Variants in GNAS observed in about 807,000 individuals in gnomAD.
GNAS encodes the protein protein ALEX.
GNAS carries 8 observed loss-of-function variants against 54.5 expected under a neutral mutation model. The ratio of observed to expected loss-of-function variants is 0.15; its 90% CI spans 0.09 to 0.26. The LOEUF is 0.26. Ranked by LOEUF, GNAS falls within the 10% of genes least tolerant of loss-of-function variation. The pLI, the probability that GNAS is intolerant of heterozygous loss-of-function variation, is 1.00. For missense variants in GNAS, 170 were observed against 529.8 expected, an observed-to-expected ratio of 0.32 and a Z score of 6.67; for synonymous variants, 204 against 191.4, an observed-to-expected ratio of 1.07 and a Z score of -0.54.
chr20:58,910,757 C>T lies in GNAS; in HGVS notation c.1113C>T (p.Asn371=), dbSNP rs8386. ...PHFTCAVDTE[N]IRRVFNDCRD... is the part of the protein sequence containing the mutation. ...TCACCTGCGCTGTGGACACTGAGAA[C>T]ATCCGCCGTGTGTTCAACGACTGCC... Residue 371 remains asparagine, a synonymous_variant, in exon 13 of 13, where the codon AAC becomes AAT. Transcript: ENST00000371085. This position sits in a 1 kb window ranked among gnomAD's most constrained non-coding sequence, Gnocchi z 5.8. 32,353 of 1,613,866 alleles carry T rather than the reference C, an allele frequency of 0.02. 1,341 individuals carry two copies. The highest frequency in any genetic ancestry group is 0.18 in the African/African-American group (13,155 of 74,990).
chr20:58,874,260 G>A (rs1295412186), intron 1 of GNAS, among the ~76,000 whole-genome samples: 1 of 152,230 alleles, frequency 6.6e-6, no homozygotes, highest in Non-Finnish European at 1.5e-5. Context: ...GCTTCCAGGA[G>A]GGGCTGCAGA....
rs80003655 is a variant in GNAS at position 58,853,209 on chromosome 20, G to A, written c.43+12323G>A. On this transcript the variant is annotated intron_variant, in intron 1 of 12. Transcript: ENST00000306090. The surrounding 1 kb of genome is among the most constrained non-coding windows in gnomAD (Gnocchi z 4.4). ...ATAATAATTTTTTCACCCTAGTTCG[G>A]TTGGGTGCTCCATCTTACGGAGCCC... is the stretch of plus-strand genomic sequence containing the variant. 6.7e-7 allele frequency: 1 copy of A among 1,483,152 alleles called. No individual in the cohort carries two copies. The highest frequency in any genetic ancestry group is 9.0e-7 in the Non-Finnish European group (1 of 1,114,722). 91.9% of individuals were successfully genotyped at this position (1,483,152 alleles called of 1,614,324 possible). A position where few individuals can be genotyped will look rare whatever the true frequency, so the allele number is the denominator to read the frequency against.
chr20:58,890,183 G>A (rs2089016167), upstream of GNAS, among the ~76,000 whole-genome samples: 3 of 151,750 alleles, frequency 2.0e-5, no homozygotes, highest in South Asian at 2.1e-4. Context: ...AGAGGAAGAA[G>A]ATGGAGAAGA....
chr20:58,902,777 G>T (rs1264529250), intron 3 of GNAS, among the ~76,000 whole-genome samples: 1 of 123,816 alleles, frequency 8.1e-6, no homozygotes, highest in Non-Finnish European at 1.6e-5. Flanking sequence ...TCTCGCCCTG[G>T]CTGGAGTGCA....
upstream of GNAS, chr20:58,888,514 T>A (rs887823901): frequency 7.2e-5 from 11 of 152,166 alleles, no homozygotes; most frequent in African/African-American, 2.4e-4. Flanking sequence ...TCAAACAAGT[T>A]CACGTTCCGT....
chr20:58,879,228 A>T (rs926627044), intron 1 of GNAS, among the ~76,000 whole-genome samples: 3 of 152,230 alleles, frequency 2.0e-5, no homozygotes, highest in Admixed American at 6.5e-5. Context: ...AGAGCACTAA[A>T]AAGCAAGCCT....
At chr20:58,890,619 T>G (rs916046495), upstream of GNAS, 29 of 152,184 alleles carry the variant, frequency 1.9e-4, no homozygotes, top group East Asian at 2.0e-4. Context: ...GGGCTGCGCC[T>G]TCTTCTCCTA....
intron 1 of GNAS, chr20:58,855,636 G>A (rs1338513045): frequency 7.0e-6 from 5 of 715,956 alleles, no homozygotes; most frequent in Non-Finnish European, 1.3e-5. Context: ...GGACAGGCAG[G>A]GGCTTCAGGT....
chr20:58,898,825 C>A, intron 2 of GNAS, 116 bp from the exon 3 acceptor site: 1 of 951,900 alleles, frequency 1.1e-6, no homozygotes, highest in Non-Finnish European at 1.7e-6. Context: ...GGCTGGCGCG[C>A]GAATTGTTGC....
At chr20:58,905,296 G>C (rs2090964963) in intron 5 of GNAS, 87 bp from the exon 6 acceptor site, 1 of 809,618 alleles carries the variant, frequency 1.2e-6, no homozygotes, top group Non-Finnish European at 2.2e-6. Context: ...GTCACATAGG[G>C]AACTCTGGTC....
intron 5 of GNAS, among the ~76,000 whole-genome samples, chr20:58,904,845 ACAG>A (rs2090935773): frequency 6.6e-6 from 1 of 152,236 alleles, no homozygotes; most frequent in Non-Finnish European, 1.5e-5. Context: ...GGAAAAGGAA[ACAG>A]CAGCCTATTA....
chr20:58,855,841 A>C (rs940519253), intron 1 of GNAS: 4 of 587,474 alleles, frequency 6.8e-6, no homozygotes, highest in African/African-American at 3.7e-5. Context: ...GATACGCTGA[A>C]GTGTCCCCTG....
intron 1 of GNAS, among the ~76,000 whole-genome samples, chr20:58,859,407 G>C (rs980264745): frequency 6.6e-6 from 1 of 152,046 alleles, no homozygotes; most frequent in East Asian, 1.9e-4. Flanking sequence ...TCACCATGTT[G>C]TTCAAGCTGG....
In GNAS at chr20:58,854,589, G is replaced by A. The variant is rs1322979255; in HGVS notation, c.43+13703G>A. On this transcript the variant is annotated intron_variant, in intron 1 of 12. Transcript: ENST00000306090. ...AGCCCCTGCCGCCCCAGCCGATCCCGACTCCGGGGCGGCCCCTGACGCCCC... is the reference window on the plus strand; with the variant it reads ...AGCCCCTGCCGCCCCAGCCGATCCCAACTCCGGGGCGGCCCCTGACGCCCC... 9 of 1,549,812 alleles carry A rather than the reference G, an allele frequency of 5.8e-6. No homozygotes were observed. The South Asian group carries it at 9.4e-5, about 16-fold the overall frequency.
In GNAS at chr20:58,910,111, T is replaced by C. The variant is rs2091337589; in HGVS notation, c.970+30T>C. The stretch of plus-strand genomic sequence containing the variant: ...GTATGGCTTCCACTCTTGCTGGCTG[T>C]TCATTGCGGTGGTTCTTTTTCAAAC... On this transcript the variant is annotated intron_variant, in intron 11 of 12. Coordinates refer to ENST00000371085, the MANE Select transcript of GNAS (RefSeq NM_000516.7). The surrounding 1 kb of genome is among the most constrained non-coding windows in gnomAD (Gnocchi z 5.8). The C allele has an allele frequency of 6.2e-7, 1 of 1,610,464 alleles. No homozygotes were observed. Among genetic ancestry groups the C allele is most frequent in the Admixed American group, 1.7e-5 (1 of 60,000 alleles).
rs1386146590 is a variant in GNAS, at chr20:58,875,773, G to A, written c.44-19839G>A. ...TTCCGGCTCCGGTCGATAATGACAAGCCCCATGTTTTTCTCCAGCGTCCAC... is the reference window on the plus strand; with the variant it reads ...TTCCGGCTCCGGTCGATAATGACAAACCCCATGTTTTTCTCCAGCGTCCAC... On this transcript the variant is annotated intron_variant, in intron 1 of 12. Coordinates refer to the GNAS transcript ENST00000306090. Among the ~76,000 whole-genome samples the A allele has an allele frequency of 5.3e-5, 8 of 152,220 alleles. No homozygotes were observed. The East Asian group carries it at 5.8e-4, about 11-fold the overall frequency.
chr20:58,908,369 G>A (rs2091220963), intron 6 of GNAS, among the ~76,000 whole-genome samples: 1 of 152,080 alleles, frequency 6.6e-6, no homozygotes, highest in Non-Finnish European at 1.5e-5. Context: ...CTATTTCATG[G>A]ACCAAACAGA....
In GNAS at chr20:58,891,585, G is replaced by A. The variant is rs1314653103; in HGVS notation, c.-142G>A. 7.1e-5 allele frequency: 69 copies of A among 970,516 alleles called. No homozygotes were observed. The highest frequency in any genetic ancestry group is 8.4e-5 in the Non-Finnish European group (69 of 821,772). The allele number at this position is 970,516 out of a possible 1,614,324, so 60.1% of individuals were successfully genotyped here. A position where few individuals can be genotyped will look rare whatever the true frequency, so the allele number is the denominator to read the frequency against. On this transcript the variant is annotated 5_prime_UTR_variant, in exon 1 of 13. Coordinates refer to ENST00000371085, the MANE Select transcript of GNAS (RefSeq NM_000516.7). ...CCCCGCGGCCCGCGGCCCGCAGTCC[G>A]CCCCGCGCGCTCCTTGCCGAGGAGC...
chr20:58,903,281 T>C, intron 3 of GNAS: 2 of 592,826 alleles, frequency 3.4e-6, no homozygotes, highest in Non-Finnish European at 6.1e-6. Context: ...GCATGCAACT[T>C]CTGGTACAGT....
Sources: gnomAD v4.1 joint callset for allele counts (sites outside exome capture counted in the v4.1 genomes callset) on GRCh38, gnomAD v4.1.1 for gene constraint, Gnocchi (gnomAD v3.1) non-coding constraint, MANE v1.5 for transcripts, NCBI Gene and HGNC (gene_info 2026-07-23, HGNC 2026-07-21) for gene names.